The following PDIA5 variants were observed in gnomAD, a reference collection of about 807,000 sequenced individuals.
The protein encoded by PDIA5 is protein disulfide isomerase family A member 5.
In PDIA5, 58 loss-of-function variants were observed where a neutral mutation model predicts 77.6. That is an observed-to-expected ratio of 0.75 (90% CI 0.61 to 0.93). The LOEUF (loss-of-function observed/expected upper bound fraction) is 0.93. Among genes scored for constraint, PDIA5 ranks in the 40% least tolerant of loss-of-function variants. The pLI, the probability that PDIA5 is intolerant of heterozygous loss-of-function variation, is 0.00. For missense variants in PDIA5, 630 were observed against 647.7 expected (o/e 0.97, Z 0.30); for synonymous variants, 250 against 252.1 (o/e 0.99, Z 0.08).
chr3:123,073,977 G>T (rs971450525), intron 1 of PDIA5, among the ~76,000 whole-genome samples: 1 of 152,230 alleles, frequency 6.6e-6, no homozygotes, highest in Admixed American at 6.5e-5. Flanking sequence ...AAGCTCTGTT[G>T]TTTGGGCCAA....
chr3:123,134,298 G>C (rs1238890267), intron 11 of PDIA5, among the ~76,000 whole-genome samples: 1 of 152,080 alleles, frequency 6.6e-6, no homozygotes. Context: ...TTTCTTTCCC[G>C]GTCCTGCTTA....
At chr3:123,137,480 G>T (rs1329091559) in intron 11 of PDIA5, among the ~76,000 whole-genome samples, 1 of 151,864 alleles carries the variant, frequency 6.6e-6, no homozygotes, top group African/African-American at 2.4e-5. Flanking sequence ...TTTGTTTATG[G>T]TGCCTTTCAT....
intron 2 of PDIA5, among the ~76,000 whole-genome samples, chr3:123,091,755 G>A (rs1473961265): frequency 2.0e-5 from 3 of 152,318 alleles, no homozygotes; most frequent in Admixed American, 1.3e-4. Flanking sequence ...GAAGTGGGCT[G>A]TTAAATGTGG....
intron 3 of PDIA5, among the ~76,000 whole-genome samples, chr3:123,094,337 T>C (rs1209147968): frequency 5.3e-5 from 8 of 152,174 alleles, no homozygotes; most frequent in Non-Finnish European, 1.2e-4. Flanking sequence ...AATATCTGGG[T>C]GTGAGTTTGA....
chr3:123,102,915 C>T (rs1348499833), intron 5 of PDIA5, 119 bp downstream of exon 5: 2 of 721,136 alleles, frequency 2.8e-6, no homozygotes, highest in Admixed American at 4.0e-5. Flanking sequence ...TCTAAATGAC[C>T]TGAGAGATTC....
At chr3:123,077,752 A>G (rs2107907350) in intron 1 of PDIA5, among the ~76,000 whole-genome samples, 1 of 152,200 alleles carries the variant, frequency 6.6e-6, no homozygotes, top group South Asian at 2.1e-4. Flanking sequence ...GGCTCATGGC[A>G]GATGTTTAGA....
intron 13 of PDIA5, among the ~76,000 whole-genome samples, chr3:123,149,900 C>A (rs1050067250): frequency 6.6e-6 from 1 of 152,028 alleles, no homozygotes; most frequent in Non-Finnish European, 1.5e-5. Flanking sequence ...AAAGGAGGGG[C>A]CTGGGAGTCC....
At chr3:123,121,462 T>A (rs1935117555) in intron 8 of PDIA5, among the ~76,000 whole-genome samples, 1 of 152,174 alleles carries the variant, frequency 6.6e-6, no homozygotes, top group African/African-American at 2.4e-5. Context: ...CAGAAAGTGT[T>A]TGTATGTAGT....
At chr3:123,161,733 G>A in intron 16 of PDIA5, 147 bp from the exon 17 acceptor site, 1 of 698,760 alleles carries the variant, frequency 1.4e-6, no homozygotes, top group Admixed American at 2.8e-5. Flanking sequence ...AAGCCACGCA[G>A]ACCCTCTCCA....
chr3:123,150,493 G>A, intron 14 of PDIA5, 129 bp downstream of exon 14: 1 of 811,032 alleles, frequency 1.2e-6, no homozygotes, highest in Non-Finnish European at 1.9e-6. Context: ...TCTCCATTAT[G>A]AACCAGGCTC....
In PDIA5 at chr3:123,111,016, T is replaced by C. The variant is rs1934849139; in HGVS notation, c.541+12T>C. On this transcript the variant is annotated intron_variant, in intron 7 of 16. Coordinates refer to ENST00000316218, the MANE Select transcript of PDIA5 (RefSeq NM_006810.4). ...GTTTTATGCCCCCTGTGAGTGAACT[T>C]TCTCCCTTGGGCCAGAGCTAGTTGT... The C allele has an allele frequency of 1.9e-6, 3 of 1,610,548 alleles. No homozygotes were observed. The highest frequency in any genetic ancestry group is 1.7e-6 in the Non-Finnish European group (2 of 1,176,754).
At chr3:123,133,804 A>G (rs1935427059) in intron 11 of PDIA5, among the ~76,000 whole-genome samples, 1 of 152,216 alleles carries the variant, frequency 6.6e-6, no homozygotes, top group Non-Finnish European at 1.5e-5. Context: ...AGTGGGGCTC[A>G]AACTAAAAAG....
chr3:123,117,374 T>TATATATATATATATATATATATATATA (rs1935019779), intron 8 of PDIA5, among the ~76,000 whole-genome samples: 8 of 79,872 alleles, frequency 1.0e-4, no homozygotes, highest in African/African-American at 3.9e-4. Flanking sequence ...TTCTATGATT[T>TATATATATATATATATATATATATATA]TATATATATA....
intron 13 of PDIA5, among the ~76,000 whole-genome samples, chr3:123,149,726 C>T (rs1399934987): frequency 2.6e-5 from 4 of 152,142 alleles, no homozygotes; most frequent in Admixed American, 6.5e-5. Context: ...GAAAAGAAAA[C>T]GGAGGCTCAG....
At chr3:123,098,838 A>C (rs568580123) in intron 3 of PDIA5, among the ~76,000 whole-genome samples, 86 of 152,256 alleles carry the variant, frequency 5.6e-4, no homozygotes, top group Non-Finnish European at 1.6e-4. Flanking sequence ...AATTCGAGCA[A>C]AGCATCTCGT....
chr3:123,079,305 T>G (rs949943186), intron 1 of PDIA5, among the ~76,000 whole-genome samples: 2 of 150,732 alleles, frequency 1.3e-5, no homozygotes, highest in Non-Finnish European at 3.0e-5. Context: ...CTCAGCTTCC[T>G]GAGTAGCTGG....
At chr3:123,148,824 C>A (rs1476856395) in intron 13 of PDIA5, among the ~76,000 whole-genome samples, 1 of 152,194 alleles carries the variant, frequency 6.6e-6, no homozygotes, top group East Asian at 1.9e-4. Flanking sequence ...TGGAGGGGAT[C>A]CTTCAGGTGG....
chr3:123,140,465 T>G (rs569030147), intron 11 of PDIA5, among the ~76,000 whole-genome samples: 134 of 152,248 alleles, frequency 8.8e-4, no homozygotes, highest in African/African-American at 2.8e-3. Context: ...CATAGAAATA[T>G]CTGAATAAGA....
intron 1 of PDIA5, among the ~76,000 whole-genome samples, chr3:123,068,726 G>A (rs1448710644): frequency 6.6e-6 from 1 of 152,200 alleles, no homozygotes; most frequent in Non-Finnish European, 1.5e-5. Context: ...CCTCCACTGG[G>A]TTAGATTTTG....
Sources: gnomAD v4.1 joint callset for allele counts (sites outside exome capture counted in the v4.1 genomes callset) on GRCh38, gnomAD v4.1.1 for gene constraint, MANE v1.5 for transcripts, NCBI Gene and HGNC (gene_info 2026-07-23, HGNC 2026-07-21) for gene names.